RGS6: variants seen among roughly 807,000 people sequenced by gnomAD.
RGS6 encodes regulator of G-protein signaling 6.
In RGS6, 30 loss-of-function variants were observed where a neutral mutation model predicts 78.5. That is an observed-to-expected ratio of 0.38 (90% CI 0.29 to 0.52). The LOEUF (loss-of-function observed/expected upper bound fraction) is 0.52, where lower values mean the gene tolerates loss of function less well. Ranked by LOEUF, RGS6 falls within the 20% of genes least tolerant of loss-of-function variation. RGS6 has a pLI of 0.85. For missense variants in RGS6, 495 were observed against 609.7 expected, an observed-to-expected ratio of 0.81 and a Z score of 1.98; for synonymous variants, 206 against 206.0, an observed-to-expected ratio of 1.00 and a Z score of 0.00.
chr14:71,910,017 A>G, the RGS6 span, among the ~76,000 whole-genome samples: 3 of 151,960 alleles, frequency 2.0e-5, no homozygotes, highest in South Asian at 2.1e-4. Context: ...ATGAAACACT[A>G]TCTCTACTAA....
chr14:71,898,597 C>A, the RGS6 span, among the ~76,000 whole-genome samples: 3 of 152,058 alleles, frequency 2.0e-5, no homozygotes, highest in African/African-American at 7.3e-5. Context: ...TTTGCTGCAC[C>A]CATCAACCCA....
intron 15 of RGS6, among the ~76,000 whole-genome samples, chr14:72,524,501 G>A (rs1435855787): frequency 2.6e-5 from 4 of 152,214 alleles, no homozygotes; most frequent in Non-Finnish European, 5.9e-5. Flanking sequence ...CTCTAGATGA[G>A]ATAGAAATCA....
At chr14:71,873,053 T>C in the RGS6 span, among the ~76,000 whole-genome samples, 1 of 152,210 alleles carries the variant, frequency 6.6e-6, no homozygotes, top group Admixed American at 6.5e-5. Flanking sequence ...GATGGACATT[T>C]GGGTTGGTTT....
At chr14:72,454,491 C>G (rs2095578957) in intron 3 of RGS6, 37 bp from the exon 4 acceptor site, 1 of 1,602,218 alleles carries the variant, frequency 6.2e-7, no homozygotes, top group Non-Finnish European at 8.6e-7. Flanking sequence ...GTTAAACACC[C>G]AGGAGGTCTT....
chr14:72,147,898 A>G (rs756272975), intron 2 of RGS6, among the ~76,000 whole-genome samples: 19 of 152,112 alleles, frequency 1.2e-4, no homozygotes, highest in South Asian at 6.2e-4. Flanking sequence ...TTGGGAGGCC[A>G]AGGCGGGCAG....
At chr14:72,288,717 G>A (rs2239256) in intron 2 of RGS6, among the ~76,000 whole-genome samples, 8,781 of 152,218 alleles carry the variant, frequency 0.058, 416 homozygotes, top group East Asian at 0.29. Context: ...AAAGAAGGCC[G>A]GGCACATTAG....
At chr14:72,555,744 A>C (rs1319995744) in intron 17 of RGS6, among the ~76,000 whole-genome samples, 2 of 152,232 alleles carry the variant, frequency 1.3e-5, no homozygotes, top group Admixed American at 6.5e-5. Flanking sequence ...CGTTTAGTGG[A>C]GTTTATAGAA....
chr14:71,936,041 T>TATATATATATATATATACATATATATAG (rs1555390355), intron 1 of RGS6, among the ~76,000 whole-genome samples: 1 of 127,710 alleles, frequency 7.8e-6, no homozygotes. Flanking sequence ...TATATATATA[T>TATATATATATATATATACATATATATAG]GTACATATAT....
At chr14:72,507,062 A>G (rs377056283) in intron 13 of RGS6, among the ~76,000 whole-genome samples, 97 of 149,940 alleles carry the variant, frequency 6.5e-4, no homozygotes, top group African/African-American at 2.3e-3. Context: ...CCAGCTACTC[A>G]GGAGGCTGAG....
At chr14:72,077,616 C>G (rs924551243) in intron 2 of RGS6, among the ~76,000 whole-genome samples, 1 of 152,118 alleles carries the variant, frequency 6.6e-6, no homozygotes, top group Non-Finnish European at 1.5e-5. Flanking sequence ...AATTCTGTTT[C>G]TTTAATCTGC....
At chr14:72,453,584 C>A (rs1368112152) in intron 3 of RGS6, among the ~76,000 whole-genome samples, 1 of 136,656 alleles carries the variant, frequency 7.3e-6, no homozygotes, top group Non-Finnish European at 1.5e-5. Context: ...CCACTGCACT[C>A]CAGCCTGGGC....
chr14:72,444,300 A>G (rs936175426), intron 3 of RGS6, among the ~76,000 whole-genome samples: 3 of 151,944 alleles, frequency 2.0e-5, no homozygotes, highest in African/African-American at 4.8e-5. Flanking sequence ...CCTGGCCCCT[A>G]TTATTTTTCA....
intron 2 of RGS6, among the ~76,000 whole-genome samples, chr14:72,102,950 A>G (rs565645462): frequency 6.6e-6 from 1 of 152,354 alleles, no homozygotes; most frequent in South Asian, 2.1e-4. Flanking sequence ...GGAATGTTCC[A>G]GAAAAGCTAG....
chr14:72,617,801 G>T, the RGS6 span, among the ~76,000 whole-genome samples: 2 of 152,176 alleles, frequency 1.3e-5, no homozygotes, highest in Non-Finnish European at 2.9e-5. Flanking sequence ...AGGAGCTGAA[G>T]AACTAAAAAT....
At chr14:72,486,579 G>A (rs981511615) in intron 12 of RGS6, among the ~76,000 whole-genome samples, 2 of 152,120 alleles carry the variant, frequency 1.3e-5, no homozygotes, top group Admixed American at 6.5e-5. Flanking sequence ...CAGCATAAGG[G>A]TCAACCCTTG....
At chr14:72,083,443 A>G (rs1287152193) in intron 2 of RGS6, among the ~76,000 whole-genome samples, 2 of 152,162 alleles carry the variant, frequency 1.3e-5, no homozygotes, top group African/African-American at 4.8e-5. Context: ...AATAGTGTCA[A>G]GGTTGAGAAG....
the RGS6 span, among the ~76,000 whole-genome samples, chr14:72,629,430 A>T: frequency 1.3e-5 from 2 of 152,264 alleles, no homozygotes; most frequent in Admixed American, 1.3e-4. Flanking sequence ...AAACAATCAA[A>T]TACATCCCTG....
At chr14:72,461,496 C>G (rs2095781373) in intron 6 of RGS6, among the ~76,000 whole-genome samples, 1 of 152,082 alleles carries the variant, frequency 6.6e-6, no homozygotes, top group Non-Finnish European at 1.5e-5. Flanking sequence ...CAATTTATGG[C>G]AAATCAGAGG....
chr14:72,562,652 T>C lies in RGS6; in HGVS notation c.*185T>C. The C allele has an allele frequency of 6.5e-7, 1 of 1,535,132 alleles. No homozygotes were observed. The highest frequency in any genetic ancestry group is 8.7e-7 in the Non-Finnish European group (1 of 1,146,660). On this transcript the variant is annotated 3_prime_UTR_variant, in exon 18 of 18. Coordinates refer to ENST00000553525, the MANE Select transcript of RGS6 (RefSeq NM_001204424.2). ...GAATGGGGAGACCAGAAAGAAAGAG[T>C]CCACAGAGCCTGGGCTGGGCCCGGT...
Sources: allele counts gnomAD v4.1 joint callset (sites outside exome capture counted in the v4.1 genomes callset), GRCh38; gene constraint gnomAD v4.1.1; transcripts MANE v1.5; gene names NCBI Gene and HGNC (gene_info 2026-07-23, HGNC 2026-07-21).